SLC35F1: variants seen among roughly 807,000 people sequenced by gnomAD.
SLC35F1 encodes the protein chromosome 6 open reading frame 169.
SLC35F1 carries 14 observed loss-of-function variants against 48.7 expected under a neutral mutation model. That is an observed-to-expected ratio of 0.29 (90% confidence interval 0.19 to 0.45). The LOEUF is 0.45. SLC35F1 is among the 20% of genes least tolerant of loss of function. The probability of loss-of-function intolerance (pLI) is 1.00; values close to 1 mark genes in which losing one functional copy is unlikely to be tolerated. For missense variants in SLC35F1, 404 were observed against 500.0 expected (o/e 0.81, Z 1.83); for synonymous variants, 190 against 202.2 (o/e 0.94, Z 0.51).
rs919269088 is a variant in SLC35F1 at position 118,265,453 on chromosome 6, A to G, written c.478-1542A>G. Among the ~76,000 whole-genome samples the G allele has an allele frequency of 2.0e-5, 3 of 152,220 alleles. No individual in the cohort carries two copies. In the East Asian group the frequency reaches 5.8e-4, roughly 29 times the overall value. On this transcript the variant is annotated intron_variant, in intron 3 of 7. Transcript: ENST00000360388. ...ACAGCATTCAACAAAAGCATCAAAC[A>G]GGACTCGACCTAGCCTGGGGATCTA...
At chr6:118,230,405 C>A (rs1420142876) in intron 2 of SLC35F1, among the ~76,000 whole-genome samples, 3 of 151,024 alleles carry the variant, frequency 2.0e-5, no homozygotes, top group Non-Finnish European at 4.4e-5. Context: ...AAATTAGAAC[C>A]AATTAGAAGT....
intron 1 of SLC35F1, among the ~76,000 whole-genome samples, chr6:117,986,515 C>T (rs552752467): frequency 2.0e-5 from 3 of 152,248 alleles, no homozygotes; most frequent in African/African-American, 7.2e-5. Flanking sequence ...TAGAGCCACC[C>T]TGGAAGTTGG....
At chr6:118,122,833 C>T (rs745395306) in intron 1 of SLC35F1, among the ~76,000 whole-genome samples, 12 of 152,112 alleles carry the variant, frequency 7.9e-5, no homozygotes, top group Admixed American at 2.6e-4. Flanking sequence ...ATAAAATGCC[C>T]GACACCTAAT....
intron 1 of SLC35F1, among the ~76,000 whole-genome samples, chr6:118,049,392 C>T (rs1383398455): frequency 1.3e-5 from 2 of 152,048 alleles, no homozygotes; most frequent in Non-Finnish European, 2.9e-5. Context: ...AGAGCTTCTG[C>T]ACAGCAAAAG....
chr6:118,157,430 A>G lies in SLC35F1; in HGVS notation c.349+2810A>G, dbSNP rs1774161443. On this transcript the variant is annotated intron_variant, in intron 2 of 7. Transcript: ENST00000360388. ...TAGAGCCGCAGGACTAATAGGATAGATGTATATATGAAAGGGAGTTTATTA... is the reference window on the plus strand; with the variant it reads ...TAGAGCCGCAGGACTAATAGGATAGGTGTATATATGAAAGGGAGTTTATTA... Among the ~76,000 whole-genome samples, 3 of 152,124 alleles carry G rather than the reference A, an allele frequency of 2.0e-5. No individual in the cohort carries two copies. The South Asian group carries it at 6.2e-4, about 32-fold the overall frequency.
At chr6:118,082,243 A>C (rs1049537033) in intron 1 of SLC35F1, among the ~76,000 whole-genome samples, 5 of 152,326 alleles carry the variant, frequency 3.3e-5, no homozygotes, top group African/African-American at 4.8e-5. Context: ...TCCCAGGTGA[A>C]ACACTGATCT....
In SLC35F1 at chr6:118,196,976, AC is replaced by A. The variant is rs1774810677; in HGVS notation, c.350-38530del. 2.0e-5 allele frequency among the ~76,000 whole-genome samples: 3 copies of A among 151,374 alleles called. 1 individual carries two copies. The South Asian group carries it at 6.3e-4, about 32-fold the overall frequency. ...TTTTCCCCCATTGTGTCTTCCAGGT[AC>A]CCTTGTTAAAAATTACTTGACCATT... On this transcript the variant is annotated intron_variant, in intron 2 of 7. Coordinates refer to ENST00000360388, the MANE Select transcript of SLC35F1 (RefSeq NM_001029858.4).
chr6:117,933,229 T>C (rs1479363832), intron 1 of SLC35F1, among the ~76,000 whole-genome samples: 1 of 152,244 alleles, frequency 6.6e-6, no homozygotes, highest in Non-Finnish European at 1.5e-5. Context: ...TATATATTTA[T>C]GTCTTAAATA....
At chr6:118,099,107 G>A in intron 1 of SLC35F1, among the ~76,000 whole-genome samples, 1 of 152,184 alleles carries the variant, frequency 6.6e-6, no homozygotes, top group East Asian at 1.9e-4. Context: ...CATTCCCTAG[G>A]GGCTGGAAAG....
At chr6:118,003,658 A>G (rs1018383524) in intron 1 of SLC35F1, among the ~76,000 whole-genome samples, 6 of 152,248 alleles carry the variant, frequency 3.9e-5, no homozygotes, top group African/African-American at 1.2e-4. Flanking sequence ...CCTGTTACAA[A>G]CATGAGGTTG....
At chr6:117,957,195 G>A (rs1453493745) in intron 1 of SLC35F1, among the ~76,000 whole-genome samples, 1 of 152,126 alleles carries the variant, frequency 6.6e-6, no homozygotes, top group African/African-American at 2.4e-5. Flanking sequence ...AAGAAAGAAT[G>A]ACCCCAATCA....
At chr6:118,033,126 C>A (rs545535958) in intron 1 of SLC35F1, among the ~76,000 whole-genome samples, 1 of 152,106 alleles carries the variant, frequency 6.6e-6, no homozygotes, top group Non-Finnish European at 1.5e-5. Context: ...TAGGGCTTCC[C>A]TCCACCAAGT....
At chr6:118,207,817 A>G (rs1008957404) in intron 2 of SLC35F1, among the ~76,000 whole-genome samples, 13 of 152,210 alleles carry the variant, frequency 8.5e-5, no homozygotes, top group African/African-American at 2.7e-4. Flanking sequence ...AATTGCAGAT[A>G]AAGACCTTTT....
intron 6 of SLC35F1, among the ~76,000 whole-genome samples, chr6:118,281,581 G>A (rs574040203): frequency 6.6e-6 from 1 of 152,290 alleles, no homozygotes; most frequent in East Asian, 1.9e-4. Context: ...TTTGGGGTCA[G>A]ATCTCCTCTA....
At chr6:118,047,311 G>A (rs187956261) in intron 1 of SLC35F1, among the ~76,000 whole-genome samples, 1 of 152,236 alleles carries the variant, frequency 6.6e-6, no homozygotes, top group East Asian at 1.9e-4. Context: ...AGTTCAAAGG[G>A]AATTGTGTTT....
chr6:118,015,815 A>G (rs750908808), intron 1 of SLC35F1, among the ~76,000 whole-genome samples: 1 of 152,138 alleles, frequency 6.6e-6, no homozygotes, highest in Admixed American at 6.5e-5. Context: ...CCCTTACCCC[A>G]TGCCACACTT....
chr6:118,084,349 G>T (rs1003910525), intron 1 of SLC35F1, among the ~76,000 whole-genome samples: 2 of 152,018 alleles, frequency 1.3e-5, no homozygotes, highest in African/African-American at 4.8e-5. Context: ...AATTGGAATG[G>T]ATATTTTAAA....
At chr6:118,137,600 G>T (rs1302619999) in intron 1 of SLC35F1, among the ~76,000 whole-genome samples, 1 of 152,210 alleles carries the variant, frequency 6.6e-6, no homozygotes, top group Admixed American at 6.5e-5. Flanking sequence ...CCACCCATAT[G>T]CATATTTCCC....
At chr6:118,212,046 C>T (rs1775006809) in intron 2 of SLC35F1, among the ~76,000 whole-genome samples, 1 of 152,184 alleles carries the variant, frequency 6.6e-6, no homozygotes, top group Non-Finnish European at 1.5e-5. Context: ...GGTAAATAAG[C>T]TCTTTTTCCT....
Sources: allele counts gnomAD v4.1 joint callset (sites outside exome capture counted in the v4.1 genomes callset), GRCh38; gene constraint gnomAD v4.1.1; transcripts MANE v1.5; gene names NCBI Gene and HGNC (gene_info 2026-07-23, HGNC 2026-07-21).